STAB2: variants seen among roughly 807,000 people sequenced by gnomAD.
The protein encoded by STAB2 is stabilin-2.
In STAB2, 288 loss-of-function variants were observed where a neutral mutation model predicts 338.1. That is an observed-to-expected ratio of 0.85 (90% CI 0.77 to 0.94). The LOEUF (loss-of-function observed/expected upper bound fraction) is 0.94, where lower values mean the gene tolerates loss of function less well. Among genes scored for constraint, STAB2 ranks in the 40% least tolerant of loss-of-function variants. STAB2 has a pLI of 0.00. For missense variants in STAB2, 3,141 were observed against 3,210.1 expected, an observed-to-expected ratio of 0.98 and a Z score of 0.52; for synonymous variants, 1,202 against 1,193.3, an observed-to-expected ratio of 1.01 and a Z score of -0.15.
At chr12:103,640,496 T>G (rs547742742) in intron 9 of STAB2, among the ~76,000 whole-genome samples, 144 of 152,336 alleles carry the variant, frequency 9.5e-4, no homozygotes, top group Non-Finnish European at 1.6e-3. Flanking sequence ...TGTGGCCTGA[T>G]AACTTGATAT....
intron 26 of STAB2, among the ~76,000 whole-genome samples, chr12:103,684,365 T>C (rs1376964808): frequency 6.6e-6 from 1 of 152,116 alleles, no homozygotes; most frequent in African/African-American, 2.4e-5. Flanking sequence ...CCCTAGTACA[T>C]GTGCAGGGTG....
At chr12:103,730,043 G>A in intron 48 of STAB2, 73 bp from the exon 49 acceptor site, 2 of 1,438,640 alleles carry the variant, frequency 1.4e-6, no homozygotes, top group Non-Finnish European at 1.8e-6. Flanking sequence ...CATTGGTAAA[G>A]CATTCTGTGA....
Position 103,640,202 on chromosome 12 carries a change from A to T in STAB2, c.986A>T (p.Asp329Val), listed in dbSNP as rs750619431. 1.2e-6 allele frequency: 2 copies of T among 1,613,752 alleles called. No homozygotes were observed. The highest frequency in any genetic ancestry group is 2.7e-5 in the African/African-American group (2 of 74,918). The change falls in exon 9 of 69, where the codon GAT (aspartate) becomes GTT (valine). Residue 329 changes from aspartate to valine, a missense_variant. Physicochemically the swap from Asp to Val is radical, Grantham distance 152 (BLOSUM62 -3). Transcript: ENST00000388887. ...AGTATGACTGATATATGTAAATCAG[A>T]TAACCCGTGTCATAGGAATGCAAAT... ...GCSMTDICKSDNPCHRNANCT... is the reference protein window; with the variant it reads ...GCSMTDICKSVNPCHRNANCT...
At chr12:103,602,239 G>C (rs984373579) in intron 3 of STAB2, among the ~76,000 whole-genome samples, 2 of 152,038 alleles carry the variant, frequency 1.3e-5, no homozygotes, top group African/African-American at 4.8e-5. Flanking sequence ...TTTAAGTCTT[G>C]TTTCTTTCCC....
chr12:103,609,397 C>T (rs1398330919), intron 3 of STAB2, among the ~76,000 whole-genome samples: 3 of 152,222 alleles, frequency 2.0e-5, no homozygotes, highest in Middle Eastern at 3.4e-3. Flanking sequence ...TGAAGAGGTC[C>T]TTCACATCCC....
At chr12:103,734,038 G>T (rs750037685) in intron 51 of STAB2, among the ~76,000 whole-genome samples, 1 of 149,512 alleles carries the variant, frequency 6.7e-6, no homozygotes, top group Admixed American at 6.7e-5. Flanking sequence ...GAACAAGCGC[G>T]ATCATATGGG....
chr12:103,695,740 T>G lies in STAB2; in HGVS notation c.3478T>G (p.Tyr1160Asp). Residue 1160 changes from tyrosine (Y) to aspartate (D), a missense_variant, in exon 33 of 69, where the codon TAT becomes GAT. Transcript: ENST00000388887. ...CTCTTGTCTCTTTCCATCGCAGCAA[T>G]ATAATCTGGCGAATGCAATTGAGGC... is the stretch of plus-strand genomic sequence containing the variant. ...YSIFRGYIIQ[Y>D]NLANAIEAAD... 1 of 1,614,186 alleles carries G rather than the reference T, an allele frequency of 6.2e-7. No individual in the cohort carries two copies. The highest frequency in any genetic ancestry group is 8.5e-7 in the Non-Finnish European group (1 of 1,180,026).
intron 15 of STAB2, chr12:103,657,949 T>C (rs577762847): frequency 1.3e-5 from 2 of 152,324 alleles, no homozygotes; most frequent in Non-Finnish European, 2.9e-5. Flanking sequence ...AATTCTGACT[T>C]TGGAATGCCA....
At chr12:103,637,935 G>T in intron 7 of STAB2, 81 bp from the exon 8 acceptor site, 3 of 1,422,686 alleles carry the variant, frequency 2.1e-6, no homozygotes, top group Middle Eastern at 1.8e-4. Context: ...TTGAGGTTTT[G>T]ATCCACTGTT....
intron 24 of STAB2, among the ~76,000 whole-genome samples, chr12:103,676,456 A>G (rs765033532): frequency 2.0e-5 from 3 of 152,168 alleles, no homozygotes; most frequent in Non-Finnish European, 4.4e-5. Context: ...ATCACTTTTC[A>G]TATGCATGAA....
chr12:103,727,982 T>C (rs117353668), intron 47 of STAB2, among the ~76,000 whole-genome samples: 331 of 152,288 alleles, frequency 2.2e-3, no homozygotes, highest in Non-Finnish European at 3.9e-3. Flanking sequence ...ACTTAACCAC[T>C]GTACACCCAG....
At chr12:103,664,049 T>G (rs1874855399) in intron 18 of STAB2, among the ~76,000 whole-genome samples, 2 of 152,232 alleles carry the variant, frequency 1.3e-5, no homozygotes, top group African/African-American at 4.8e-5. Context: ...AACTTTCTGT[T>G]TCCCTATGAG....
At chr12:103,739,570 T>TGCGC (rs1181947833) in intron 54 of STAB2, 102 bp downstream of exon 54, 1 of 822,708 alleles carries the variant, frequency 1.2e-6, no homozygotes, top group African/African-American at 1.9e-5. Context: ...TGTGTGTGTG[T>TGCGC]GTGCCCGTGC....
chr12:103,706,695 G>A, intron 37 of STAB2, 97 bp from the exon 38 acceptor site: 1 of 1,510,206 alleles, frequency 6.6e-7, no homozygotes, highest in South Asian at 1.3e-5. Flanking sequence ...CGAAGAAACA[G>A]GTGCACAAGA....
At chr12:103,745,781 G>A (rs1022010561) in intron 57 of STAB2, among the ~76,000 whole-genome samples, 15 of 152,180 alleles carry the variant, frequency 9.9e-5, no homozygotes. Context: ...TTGCTGGCAG[G>A]GTCAGCGAGC....
intron 3 of STAB2, among the ~76,000 whole-genome samples, chr12:103,605,532 T>A (rs12578790): frequency 0.04 from 6,099 of 152,080 alleles, 176 homozygotes; most frequent in East Asian, 0.12. Context: ...ATTTTAAGAC[T>A]ACTTGTTCTA....
At chr12:103,686,197 TA>T (rs1437369263) in intron 27 of STAB2, among the ~76,000 whole-genome samples, 1 of 152,152 alleles carries the variant, frequency 6.6e-6, no homozygotes, top group East Asian at 1.9e-4. Context: ...ATCACGAGCC[TA>T]ACAATTCCCA....
At chr12:103,734,202 ATAG>A (rs1881902395) in intron 51 of STAB2, among the ~76,000 whole-genome samples, 1 of 150,448 alleles carries the variant, frequency 6.6e-6, no homozygotes, top group Non-Finnish European at 1.5e-5. Context: ...GCACGATCAT[ATAG>A]GAGCAAGCAC....
intron 45 of STAB2, among the ~76,000 whole-genome samples, chr12:103,725,530 GTGTGTGCA>G (rs1881113027): frequency 6.6e-6 from 1 of 152,228 alleles, no homozygotes. Flanking sequence ...GTGGATTGCA[GTGTGTGCA>G]TGTGTGCGTG....
Sources: gnomAD v4.1 joint callset for allele counts (sites outside exome capture counted in the v4.1 genomes callset) on GRCh38, gnomAD v4.1.1 for gene constraint, MANE v1.5 for transcripts, NCBI Gene and HGNC (gene_info 2026-07-23, HGNC 2026-07-21) for gene names.